The following YTHDC2 variants were observed in gnomAD, a reference collection of about 807,000 sequenced individuals.
YTHDC2 encodes the protein YTH N6-methyladenosine RNA binding protein C2.
In YTHDC2, 45 loss-of-function variants were observed where a neutral mutation model predicts 174.9. The ratio of observed to expected loss-of-function variants is 0.26; its 90% confidence interval spans 0.20 to 0.33. The LOEUF is 0.33. Ranked by LOEUF, YTHDC2 falls within the 10% of genes least tolerant of loss-of-function variation. The probability of loss-of-function intolerance (pLI) is 1.00; values close to 1 mark genes in which losing one functional copy is unlikely to be tolerated. For synonymous variants in YTHDC2, 657 were observed against 574.5 expected (o/e 1.14, Z -2.05); for missense variants, 1,650 against 1,723.7 (o/e 0.96, Z 0.76).
intron 26 of YTHDC2, among the ~76,000 whole-genome samples, chr5:113,587,651 T>C (rs563495870): frequency 3.0e-4 from 44 of 148,876 alleles, no homozygotes; most frequent in African/African-American, 1.0e-3. Flanking sequence ...ATTATTTTAG[T>C]AGCTTTATAG....
At chr5:113,576,679 T>C (rs1005951597) in intron 23 of YTHDC2, among the ~76,000 whole-genome samples, 4 of 152,218 alleles carry the variant, frequency 2.6e-5, no homozygotes, top group African/African-American at 9.6e-5. Flanking sequence ...TGCATTTCTT[T>C]ATATTGCCCT....
intron 5 of YTHDC2, 92 bp downstream of exon 5, chr5:113,533,137 G>C (rs1013352620): frequency 7.0e-7 from 1 of 1,420,540 alleles, no homozygotes; most frequent in Non-Finnish European, 9.5e-7. Flanking sequence ...TCGTTGAAAA[G>C]TTAGGTGATC....
intron 4 of YTHDC2, among the ~76,000 whole-genome samples, chr5:113,530,644 A>G (rs1774591985): frequency 6.6e-6 from 1 of 152,198 alleles, no homozygotes; most frequent in Non-Finnish European, 1.5e-5. Context: ...CATAAGATAT[A>G]TACATAATCA....
intron 2 of YTHDC2, chr5:113,517,560 G>A (rs1356944777): frequency 2.2e-6 from 1 of 456,246 alleles, no homozygotes; most frequent in East Asian, 6.9e-5. Context: ...CGGAAACATT[G>A]AAGAGCCAGA....
chr5:113,525,050 C>T lies in YTHDC2; in HGVS notation c.348C>T (p.Thr116=). The T allele has an allele frequency of 6.2e-7, 1 of 1,611,956 alleles. No homozygotes were observed. Among genetic ancestry groups the T allele is most frequent in the Non-Finnish European group, 8.5e-7 (1 of 1,178,924 alleles). ...DGSETAHAMM[T]CNLTHNTKHA... ...CAGAAACAGCTCATGCAATGATGAC[C>T]TGTAATTTGACTCATAATACAAAAC... Residue 116 remains threonine, a synonymous_variant, in exon 3 of 30, where the codon ACC becomes ACT. Transcript: ENST00000161863.
Position 113,593,608 on chromosome 5 carries a change from AC to A in YTHDC2, c.*136del. The A allele has an allele frequency of 5.5e-6, 2 of 365,368 alleles. No individual in the cohort carries two copies. The highest frequency in any genetic ancestry group is 8.0e-5 in the East Asian group (2 of 25,154). 22.6% of individuals were successfully genotyped at this position (365,368 alleles called of 1,614,324 possible). A position where few individuals can be genotyped will look rare whatever the true frequency, so the allele number is the denominator to read the frequency against. On this transcript the variant is annotated 3_prime_UTR_variant, in exon 30 of 30. Coordinates refer to ENST00000161863, the MANE Select transcript of YTHDC2 (RefSeq NM_022828.5). ...ACTTTTAGAGTGTTGCTTTAGAACT[AC>A]CATCTTCATATACAGGAGAAAGGAA...
At chr5:113,574,089 C>G (rs770282064) in intron 23 of YTHDC2, among the ~76,000 whole-genome samples, 4 of 152,114 alleles carry the variant, frequency 2.6e-5, no homozygotes, top group Non-Finnish European at 5.9e-5. Context: ...CTCACCTTTG[C>G]GGGCTTATCT....
intron 19 of YTHDC2, 21 bp from the exon 20 acceptor site, chr5:113,563,838 G>T (rs756292226): frequency 1.9e-6 from 3 of 1,613,532 alleles, no homozygotes; most frequent in Non-Finnish European, 2.5e-6. Flanking sequence ...ATCAAAGTCT[G>T]TTCTGTCTCC....
At chr5:113,589,496 T>C (rs181520699) in intron 26 of YTHDC2, among the ~76,000 whole-genome samples, 1 of 149,390 alleles carries the variant, frequency 6.7e-6, no homozygotes, top group Non-Finnish European at 1.5e-5. Context: ...GGAGGCCAGG[T>C]TGGGATGATA....
intron 26 of YTHDC2, among the ~76,000 whole-genome samples, chr5:113,586,236 A>G (rs1181839819): frequency 6.6e-6 from 1 of 151,928 alleles, no homozygotes; most frequent in African/African-American, 2.4e-5. Flanking sequence ...TATAGTTTTA[A>G]TTTGTATTTT....
intron 2 of YTHDC2, among the ~76,000 whole-genome samples, chr5:113,516,141 G>C (rs1773407995): frequency 6.6e-6 from 1 of 152,158 alleles, no homozygotes; most frequent in Non-Finnish European, 1.5e-5. Context: ...TTGATTGCTT[G>C]AGAAAAATAT....
At chr5:113,530,908 G>C (rs1242646135) in intron 4 of YTHDC2, among the ~76,000 whole-genome samples, 1 of 152,106 alleles carries the variant, frequency 6.6e-6, no homozygotes, top group East Asian at 1.9e-4. Flanking sequence ...ATTCATCTGA[G>C]AAAGTCTTCA....
intron 2 of YTHDC2, among the ~76,000 whole-genome samples, chr5:113,517,018 A>G (rs73779087): frequency 0.011 from 1,673 of 152,300 alleles, 32 homozygotes; most frequent in African/African-American, 0.039. Context: ...CAGTGCCACA[A>G]TACTTTATCC....
In YTHDC2 at chr5:113,553,756, A is replaced by T; in HGVS notation, c.1965-11A>T. ...GTCTTATAGTATGTTTTCTCTTTCA[A>T]TTGTCTGCAGATACCAAGTCTTTAT... On this transcript the variant is annotated splice_polypyrimidine_tract_variant and intron_variant, in intron 14 of 29. Coordinates refer to ENST00000161863, the MANE Select transcript of YTHDC2 (RefSeq NM_022828.5). The T allele has an allele frequency of 6.2e-7, 1 of 1,612,166 alleles. No individual in the cohort carries two copies. Among genetic ancestry groups the T allele is most frequent in the Middle Eastern group, 1.7e-4 (1 of 6,056 alleles).
Position 113,567,139 on chromosome 5 carries a change from A to G in YTHDC2, c.2890A>G (p.Asn964Asp), listed in dbSNP as rs1459092378. 13 of 1,613,852 alleles carry G rather than the reference A, an allele frequency of 8.1e-6. No individual in the cohort carries two copies. Among genetic ancestry groups the G allele is most frequent in the Non-Finnish European group, 1.0e-5 (12 of 1,179,904 alleles). The change falls in exon 22 of 30, where the codon AAC (asparagine) becomes GAC (aspartate). Residue 964 changes from asparagine to aspartate, a missense_variant. This residue lies in a region of YTHDC2 where 913 missense variants were observed against 940.4 expected (regional missense o/e 0.97). Coordinates refer to ENST00000161863, the MANE Select transcript of YTHDC2 (RefSeq NM_022828.5). ...GGGDIRDVNT[N>D]SENWAVVKAA... ...TGGTGACATTCGGGACGTTAACACAAACTCTGAGAATTGGGCTGTCGTTAA... is the reference window on the plus strand; with the variant it reads ...TGGTGACATTCGGGACGTTAACACAGACTCTGAGAATTGGGCTGTCGTTAA...
chr5:113,534,077 A>T (rs1212818256), intron 5 of YTHDC2, among the ~76,000 whole-genome samples: 2 of 152,198 alleles, frequency 1.3e-5, no homozygotes, highest in East Asian at 3.8e-4. Context: ...TTTTGTTTTT[A>T]GAGCAGCTTA....
chr5:113,574,669 C>T (rs902345197), intron 23 of YTHDC2, among the ~76,000 whole-genome samples: 5 of 152,158 alleles, frequency 3.3e-5, no homozygotes, highest in African/African-American at 1.2e-4. Context: ...GCCAGTAGGT[C>T]ATAATTGGTG....
chr5:113,581,173 C>A, intron 24 of YTHDC2: 1 of 347,568 alleles, frequency 2.9e-6, no homozygotes, highest in Non-Finnish European at 5.1e-6. Flanking sequence ...TCACACTCTG[C>A]CACAACTATT....
At chr5:113,548,881 G>A (rs542679814) in intron 11 of YTHDC2, 74 bp from the exon 12 acceptor site, 14 of 1,401,424 alleles carry the variant, frequency 1.0e-5, no homozygotes, top group Middle Eastern at 1.8e-4. Context: ...ACAGGGTCTT[G>A]ATGTTGCCCA....
Sources: allele counts gnomAD v4.1 joint callset (sites outside exome capture counted in the v4.1 genomes callset), GRCh38; gene constraint gnomAD v4.1.1; regional missense constraint gnomAD v4.1.1; transcripts MANE v1.5; gene names NCBI Gene and HGNC (gene_info 2026-07-23, HGNC 2026-07-21).